TRIO: variants seen among roughly 807,000 people sequenced by gnomAD.
TRIO encodes the protein trio Rho guanine nucleotide exchange factor, also known as triple functional domain protein.
TRIO carries 58 observed loss-of-function variants against 351.9 expected under a neutral mutation model. The ratio of observed to expected loss-of-function variants is 0.16; its 90% CI spans 0.13 to 0.21. The LOEUF is 0.21. Ranked by LOEUF, TRIO falls within the 10% of genes least tolerant of loss-of-function variation. TRIO has a pLI of 1.00. For synonymous variants in TRIO, 1,758 were observed against 1,595.7 expected (o/e 1.10, Z -2.42); for missense variants, 3,201 against 4,027.8 (o/e 0.79, Z 5.56).
chr5:14,174,764 G>A (rs1236459476), intron 1 of TRIO, among the ~76,000 whole-genome samples: 1 of 152,166 alleles, frequency 6.6e-6, no homozygotes, highest in East Asian at 1.9e-4. Flanking sequence ...GTCTACAGTC[G>A]AGACCTATGA....
intron 1 of TRIO, among the ~76,000 whole-genome samples, chr5:14,168,239 A>G (rs1788891591): frequency 6.6e-6 from 1 of 152,178 alleles, no homozygotes; most frequent in African/African-American, 2.4e-5. Context: ...CATGGACCTT[A>G]TCATCCGTGA....
At chr5:14,299,848 G>A (rs941047598) in intron 7 of TRIO, among the ~76,000 whole-genome samples, 3 of 152,174 alleles carry the variant, frequency 2.0e-5, no homozygotes, top group African/African-American at 7.2e-5. Context: ...GCTTACTAAC[G>A]GCAGCCGCCT....
At chr5:14,266,247 A>G (rs7716973) in intron 1 of TRIO, among the ~76,000 whole-genome samples, 2,680 of 152,162 alleles carry the variant, frequency 0.018, 73 homozygotes, top group African/African-American at 0.061. Context: ...ATTTTAGTAG[A>G]GATGGGGTTT....
chr5:14,337,388 A>G (rs1023749600), intron 11 of TRIO, among the ~76,000 whole-genome samples: 16 of 152,248 alleles, frequency 1.1e-4, no homozygotes. Context: ...GTTCATATTC[A>G]GGGTGACTAC....
At chr5:14,361,373 C>T (rs1488399506) in intron 13 of TRIO, among the ~76,000 whole-genome samples, 1 of 152,210 alleles carries the variant, frequency 6.6e-6, no homozygotes, top group African/African-American at 2.4e-5. Context: ...GTGCCACAGC[C>T]TGGGGGAGCT....
intron 1 of TRIO, among the ~76,000 whole-genome samples, chr5:14,170,508 CTTTTT>C (rs3994019): frequency 6.0e-5 from 8 of 133,752 alleles, no homozygotes; most frequent in African/African-American, 8.5e-5. Flanking sequence ...GCTTCTCTCT[CTTTTT>C]TTTTTTTTTT....
chr5:14,427,110 G>A (rs567860196), intron 34 of TRIO, among the ~76,000 whole-genome samples: 1 of 152,274 alleles, frequency 6.6e-6, no homozygotes, highest in East Asian at 1.9e-4. Flanking sequence ...TGACTGCAAA[G>A]CCAGGGTGTG....
chr5:14,339,591 G>A (rs1741747692), intron 11 of TRIO, among the ~76,000 whole-genome samples: 1 of 152,296 alleles, frequency 6.6e-6, no homozygotes, highest in Non-Finnish European at 1.5e-5. Context: ...CATCTTACTT[G>A]TGTGCACGTC....
At chr5:14,306,440 A>G (rs576540417) in intron 8 of TRIO, among the ~76,000 whole-genome samples, 21 of 152,338 alleles carry the variant, frequency 1.4e-4, no homozygotes, top group Non-Finnish European at 2.8e-4. Context: ...AAAACCATCA[A>G]GTTCTTTCCC....
intron 37 of TRIO, among the ~76,000 whole-genome samples, chr5:14,468,197 T>C (rs1754414074): frequency 6.6e-6 from 1 of 152,252 alleles, no homozygotes. Context: ...TGTGTTAATC[T>C]CCTTTTTCAA....
chr5:14,152,911 TGTTA>T (rs1015801414), intron 1 of TRIO, among the ~76,000 whole-genome samples: 35 of 152,222 alleles, frequency 2.3e-4, no homozygotes, highest in African/African-American at 7.7e-4. Flanking sequence ...AGGTAAATTT[TGTTA>T]GTTGGTTGGT....
At chr5:14,410,380 T>A (rs1749096981) in intron 33 of TRIO, among the ~76,000 whole-genome samples, 1 of 152,200 alleles carries the variant, frequency 6.6e-6, no homozygotes, top group African/African-American at 2.4e-5. Flanking sequence ...CAAGAACACA[T>A]TTTGAAAATC....
chr5:14,391,561 G>T (rs958498902), intron 27 of TRIO, among the ~76,000 whole-genome samples: 2 of 152,208 alleles, frequency 1.3e-5, no homozygotes, highest in Non-Finnish European at 2.9e-5. Context: ...GAAAGCTGTT[G>T]CAGCGGCTTA....
At chr5:14,214,330 G>A (rs1792098610) in intron 1 of TRIO, among the ~76,000 whole-genome samples, 2 of 152,164 alleles carry the variant, frequency 1.3e-5, no homozygotes, top group Non-Finnish European at 2.9e-5. Context: ...CCTAGGGAGG[G>A]CTGCTGGAGA....
chr5:14,437,904 G>C (rs747777582), intron 34 of TRIO, among the ~76,000 whole-genome samples: 6 of 152,132 alleles, frequency 3.9e-5, no homozygotes, highest in East Asian at 1.9e-4. Flanking sequence ...TGCCCAATTT[G>C]CTTGACATAG....
chr5:14,393,634 A>G (rs942102988), intron 27 of TRIO, among the ~76,000 whole-genome samples: 1 of 152,206 alleles, frequency 6.6e-6, no homozygotes, highest in African/African-American at 2.4e-5. Context: ...GTGCTAGTGT[A>G]AAGTGGTGAG....
Position 14,461,305 on chromosome 5 carries a change from C to G in TRIO, c.5490C>G (p.Val1830=), listed in dbSNP as rs1386984060. ...DSAATPQDET[V]EERGRNEGLS... Reference sequence around the variant, plus strand: ...CGGCCACCCCGCAGGACGAGACGGTCGAGGAGGTGAGGCTCTGCCCGCTGG... The same window carrying G: ...CGGCCACCCCGCAGGACGAGACGGTGGAGGAGGTGAGGCTCTGCCCGCTGG... Residue 1830 remains valine, a synonymous_variant, in exon 35 of 57, where the codon GTC becomes GTG. Coordinates refer to ENST00000344204, the MANE Select transcript of TRIO (RefSeq NM_007118.4). 3 of 1,571,118 alleles carry G rather than the reference C, an allele frequency of 1.9e-6. No individual in the cohort carries two copies. In the African/African-American group the frequency reaches 4.1e-5, roughly 21 times the overall value.
At chr5:14,499,000 A>C in intron 53 of TRIO, 1 of 214,900 alleles carries the variant, frequency 4.7e-6, no homozygotes, top group Non-Finnish European at 9.6e-6. Flanking sequence ...TACTCAAAAC[A>C]CTCATATCCA....
intron 33 of TRIO, among the ~76,000 whole-genome samples, chr5:14,414,706 A>G (rs1749496719): frequency 6.6e-6 from 1 of 151,982 alleles, no homozygotes; most frequent in Admixed American, 6.6e-5. Context: ...CCCCTAGTGT[A>G]TCGGAGCCTA....
Sources: gnomAD v4.1 joint callset for allele counts (sites outside exome capture counted in the v4.1 genomes callset) on GRCh38, gnomAD v4.1.1 for gene constraint, MANE v1.5 for transcripts, NCBI Gene and HGNC (gene_info 2026-07-23, HGNC 2026-07-21) for gene names.